The following HAPLN1 variants were observed in gnomAD, a reference collection of about 807,000 sequenced individuals.
The protein encoded by HAPLN1 is Cartilage link protein.
In HAPLN1, 13 loss-of-function variants were observed where a neutral mutation model predicts 36.5. That is an observed-to-expected ratio of 0.36 (90% confidence interval 0.23 to 0.57). The LOEUF is 0.57. HAPLN1 is among the 20% of genes least tolerant of loss of function. The pLI, the probability that HAPLN1 is intolerant of heterozygous loss-of-function variation, is 0.83. For synonymous variants in HAPLN1, 202 were observed against 169.8 expected, an observed-to-expected ratio of 1.19 and a Z score of -1.48; for missense variants, 407 against 439.7, an observed-to-expected ratio of 0.93 and a Z score of 0.66.
At chr5:83,646,764 G>C in intron 3 of HAPLN1, among the ~76,000 whole-genome samples, 1 of 152,238 alleles carries the variant, frequency 6.6e-6, no homozygotes, top group East Asian at 1.9e-4. Context: ...CACTGAGCTG[G>C]GAACCCAGTG....
intron 2 of HAPLN1, among the ~76,000 whole-genome samples, chr5:83,668,477 A>G (rs1418980815): frequency 1.3e-5 from 2 of 152,374 alleles, no homozygotes; most frequent in Non-Finnish European, 2.9e-5. Flanking sequence ...TGGTCTAGAC[A>G]ATCGCTACCA....
At chr5:83,650,632 CTTT>C (rs5869195) in intron 3 of HAPLN1, among the ~76,000 whole-genome samples, 10 of 103,754 alleles carry the variant, frequency 9.6e-5, no homozygotes, top group South Asian at 3.1e-4. Context: ...AAATTCTTTT[CTTT>C]TTTTTTTTTT....
chr5:83,659,484 A>T lies in HAPLN1; in HGVS notation c.101-6660T>A, dbSNP rs73769322. ...GTAGACTATGAGAAGTTGTGGGGAA[A>T]AGTGTGTAGAGGAAGGCTTGGGAGA... On this transcript the variant is annotated intron_variant, in intron 2 of 4. Coordinates refer to ENST00000274341, the MANE Select transcript of HAPLN1 (RefSeq NM_001884.4). 1.3e-3 allele frequency among the ~76,000 whole-genome samples: 191 copies of T among 152,262 alleles called. 1 individual carries two copies. The highest frequency in any genetic ancestry group is 4.5e-3 in the African/African-American group (185 of 41,512).
At chr5:83,716,064 T>C (rs372829768) in intron 1 of HAPLN1, among the ~76,000 whole-genome samples, 6 of 152,160 alleles carry the variant, frequency 3.9e-5, no homozygotes, top group East Asian at 3.9e-4. Flanking sequence ...AATAAATGAA[T>C]GATCAAATGA....
At chr5:83,676,585 AAGGACACCTCAGACAT>A (rs1490289218) in intron 1 of HAPLN1, among the ~76,000 whole-genome samples, 1 of 152,220 alleles carries the variant, frequency 6.6e-6, no homozygotes, top group Non-Finnish European at 1.5e-5. Flanking sequence ...CCCAGTAGAA[AAGGACACCTCAGACAT>A]AGTAGGTGGT....
chr5:83,649,020 C>G (rs527825288), intron 3 of HAPLN1, among the ~76,000 whole-genome samples: 1 of 152,150 alleles, frequency 6.6e-6, no homozygotes, highest in South Asian at 2.1e-4. Context: ...TGTAAATTTA[C>G]TTTGAAATAT....
chr5:83,692,851 A>G (rs953848092), intron 1 of HAPLN1, among the ~76,000 whole-genome samples: 1 of 151,882 alleles, frequency 6.6e-6, no homozygotes, highest in Non-Finnish European at 1.5e-5. Flanking sequence ...TTGTACAAAG[A>G]CCATGTCTAA....
chr5:83,672,009 T>C (rs1334689489), intron 2 of HAPLN1, among the ~76,000 whole-genome samples: 1 of 152,150 alleles, frequency 6.6e-6, no homozygotes, highest in East Asian at 1.9e-4. Context: ...ATAACTTGAG[T>C]CTGACTTATA....
intron 4 of HAPLN1, among the ~76,000 whole-genome samples, chr5:83,642,353 G>A (rs1358855735): frequency 2.0e-5 from 3 of 152,138 alleles, no homozygotes; most frequent in Admixed American, 1.3e-4. Context: ...CAGATAATAC[G>A]TACTTAGAAT....
Position 83,688,976 on chromosome 5 carries a change from G to A in HAPLN1, c.-26-15427C>T, listed in dbSNP as rs192320522. Among the ~76,000 whole-genome samples the A allele has an allele frequency of 1.5e-3, 225 of 152,192 alleles. 1 individual carries two copies. The Middle Eastern group carries it at 0.017, about 12-fold the overall frequency. ...CTTGGGAACTTAAATTCAATGCTCC[G>A]TATTGAGGCTTAAGTACAATTCTTA... On this transcript the variant is annotated intron_variant, in intron 1 of 4. Transcript: ENST00000274341.
At chr5:83,678,917 A>G (rs1441756236) in intron 1 of HAPLN1, among the ~76,000 whole-genome samples, 1 of 152,212 alleles carries the variant, frequency 6.6e-6, no homozygotes, top group Non-Finnish European at 1.5e-5. Flanking sequence ...GGCTTCTCTA[A>G]GAACAATATT....
intron 1 of HAPLN1, among the ~76,000 whole-genome samples, chr5:83,699,439 G>A (rs1313327530): frequency 6.6e-6 from 1 of 152,112 alleles, no homozygotes; most frequent in Non-Finnish European, 1.5e-5. Flanking sequence ...AAATCTTGCG[G>A]GCTAGTTAGA....
intron 2 of HAPLN1, among the ~76,000 whole-genome samples, chr5:83,657,542 C>A (rs961772159): frequency 6.6e-6 from 1 of 152,100 alleles, no homozygotes; most frequent in South Asian, 2.1e-4. Context: ...GGGGCTTCCT[C>A]GCTCCTCTCT....
At chr5:83,652,297 A>G (rs1750087846) in intron 3 of HAPLN1, 156 bp downstream of exon 3, 1 of 690,460 alleles carries the variant, frequency 1.4e-6, no homozygotes, top group Non-Finnish European at 2.4e-6. Flanking sequence ...AGCTGGAATC[A>G]TAGGCAGACT....
At chr5:83,712,837 T>C (rs1751825296) in intron 1 of HAPLN1, among the ~76,000 whole-genome samples, 1 of 151,792 alleles carries the variant, frequency 6.6e-6, no homozygotes, top group African/African-American at 2.4e-5. Context: ...AATTTTTTTT[T>C]TGTATTTTAT....
chr5:83,673,049 TAAAC>T (rs1309063047), intron 2 of HAPLN1, among the ~76,000 whole-genome samples: 7 of 152,258 alleles, frequency 4.6e-5, no homozygotes, highest in African/African-American at 1.7e-4. Context: ...TCTTAATGAT[TAAAC>T]AGTTACTCTA....
chr5:83,638,809 G>A lies in HAPLN1; in HGVS notation c.*2687C>T, dbSNP rs1483837885. On this transcript the variant is annotated 3_prime_UTR_variant, in exon 5 of 5. Coordinates refer to ENST00000274341, the MANE Select transcript of HAPLN1 (RefSeq NM_001884.4). Reference sequence around the variant, plus strand: ...TAAAGATGGCTTCCAGTGTTAATGTGACCAACTTATTTTCGTTCTTATGTT... The same window carrying A: ...TAAAGATGGCTTCCAGTGTTAATGTAACCAACTTATTTTCGTTCTTATGTT... 1 of 152,032 alleles carries A rather than the reference G, an allele frequency of 6.6e-6. No homozygotes were observed. Among genetic ancestry groups the A allele is most frequent in the East Asian group, 1.9e-4 (1 of 5,194 alleles). The allele number at this position is 152,032 out of a possible 1,614,324, so 9.4% of individuals were successfully genotyped here.
At chr5:83,715,822 T>A (rs937006909) in intron 1 of HAPLN1, among the ~76,000 whole-genome samples, 5 of 152,248 alleles carry the variant, frequency 3.3e-5, no homozygotes, top group Admixed American at 2.6e-4. Context: ...TAAAAATGCA[T>A]GCTCAAAATT....
chr5:83,670,721 GTC>G (rs1750687757), intron 2 of HAPLN1, among the ~76,000 whole-genome samples: 1 of 151,460 alleles, frequency 6.6e-6, no homozygotes, highest in Non-Finnish European at 1.5e-5. Context: ...GTGTGATGGA[GTC>G]TCGCTCTGTT....
Sources: allele counts gnomAD v4.1 joint callset (sites outside exome capture counted in the v4.1 genomes callset), GRCh38; gene constraint gnomAD v4.1.1; transcripts MANE v1.5; gene names NCBI Gene and HGNC (gene_info 2026-07-23, HGNC 2026-07-21).